C12orf42: variants seen among roughly 807,000 people sequenced by gnomAD.
C12orf42 encodes the protein chromosome 12 open reading frame 42.
In C12orf42, 25 loss-of-function variants were observed where a neutral mutation model predicts 21.6. The observed-to-expected ratio is 1.16, with a 90% CI of 0.84 to 1.62. C12orf42 has a LOEUF of 1.62. Among genes scored for constraint, C12orf42 ranks in the 40% most tolerant of loss-of-function variants. The pLI, the probability that C12orf42 is intolerant of heterozygous loss-of-function variation, is 0.00. For missense variants in C12orf42, 483 were observed against 459.3 expected (o/e 1.05, Z -0.47); for synonymous variants, 174 against 175.0 (o/e 0.99, Z 0.05).
At chr12:103,100,563 C>T in the C12orf42 span, among the ~76,000 whole-genome samples, 1 of 152,192 alleles carries the variant, frequency 6.6e-6, no homozygotes, top group Non-Finnish European at 1.5e-5. Context: ...CAGAACCACC[C>T]GGACAATGGC....
the C12orf42 span, among the ~76,000 whole-genome samples, chr12:103,093,981 C>A: frequency 6.6e-6 from 1 of 151,994 alleles, no homozygotes; most frequent in Non-Finnish European, 1.5e-5. Context: ...TAAGGGAGGG[C>A]GTGGTGCTGT....
intron 2 of C12orf42, among the ~76,000 whole-genome samples, chr12:103,402,724 G>A (rs897601647): frequency 1.3e-5 from 2 of 152,212 alleles, no homozygotes; most frequent in East Asian, 1.9e-4. Context: ...GTAGACTTGG[G>A]TGATGGACTA....
At chr12:103,269,427 A>T (rs1287026088) in intron 6 of C12orf42, among the ~76,000 whole-genome samples, 1 of 152,092 alleles carries the variant, frequency 6.6e-6, no homozygotes, top group Non-Finnish European at 1.5e-5. Flanking sequence ...ATCCCCTAAA[A>T]CTCAGAAGAA....
At chr12:103,363,646 G>T (rs567497212) in intron 4 of C12orf42, among the ~76,000 whole-genome samples, 25 of 152,074 alleles carry the variant, frequency 1.6e-4, no homozygotes, top group Admixed American at 1.4e-3. Flanking sequence ...TAAAGGGGTG[G>T]AAAGACATTC....
chr12:103,556,883 G>A, the C12orf42 span, among the ~76,000 whole-genome samples: 1 of 151,504 alleles, frequency 6.6e-6, no homozygotes, highest in Non-Finnish European at 1.5e-5. Context: ...GAGACAGAGG[G>A]AGAAGAGGAG....
At chr12:103,115,789 G>A in the C12orf42 span, among the ~76,000 whole-genome samples, 1 of 152,170 alleles carries the variant, frequency 6.6e-6, no homozygotes, top group Non-Finnish European at 1.5e-5. Flanking sequence ...GGATTTTCTT[G>A]GTAAGGGACT....
intron 4 of C12orf42, among the ~76,000 whole-genome samples, chr12:103,338,826 C>T (rs918902127): frequency 6.6e-6 from 1 of 152,066 alleles, no homozygotes; most frequent in African/African-American, 2.4e-5. Flanking sequence ...GGAGTGGGAA[C>T]AGGAAAGAAG....
At chr12:103,337,248 T>G (rs191220454) in intron 4 of C12orf42, among the ~76,000 whole-genome samples, 43 of 152,376 alleles carry the variant, frequency 2.8e-4, no homozygotes, top group African/African-American at 1.0e-3. Flanking sequence ...CTGAAAAGTT[T>G]GCTCCTATCT....
At chr12:103,379,556 C>T (rs1343704164) in intron 3 of C12orf42, among the ~76,000 whole-genome samples, 1 of 152,134 alleles carries the variant, frequency 6.6e-6, no homozygotes, top group African/African-American at 2.4e-5. Context: ...CTTAAGAAAA[C>T]ATAAATTCAA....
intron 10 of C12orf42, among the ~76,000 whole-genome samples, chr12:103,253,122 G>A (rs1180261657): frequency 6.6e-6 from 1 of 152,108 alleles, no homozygotes; most frequent in Non-Finnish European, 1.5e-5. Flanking sequence ...TTGTAGGTGT[G>A]TGGTGTTATT....
chr12:103,506,835 TTATATATATA>T, the C12orf42 span, among the ~76,000 whole-genome samples: 1 of 69,802 alleles, frequency 1.4e-5, no homozygotes, highest in African/African-American at 6.9e-5. Flanking sequence ...TATTTATATA[TTATATATATA>T]TATATTTATA....
intron 2 of C12orf42, among the ~76,000 whole-genome samples, chr12:103,413,081 A>G (rs187045679): frequency 1.3e-5 from 2 of 152,266 alleles, no homozygotes; most frequent in East Asian, 1.9e-4. Flanking sequence ...CTGGATTTTT[A>G]TGGTTTGAGC....
the C12orf42 span, among the ~76,000 whole-genome samples, chr12:103,166,670 C>T: frequency 1.3e-5 from 2 of 152,064 alleles, no homozygotes; most frequent in African/African-American, 4.8e-5. Context: ...AAATTCTTGC[C>T]TGAAATGAGA....
At chr12:103,219,920 C>G in the C12orf42 span, among the ~76,000 whole-genome samples, 5 of 152,102 alleles carry the variant, frequency 3.3e-5, no homozygotes, top group Non-Finnish European at 5.9e-5. Flanking sequence ...GGTATATACC[C>G]AAAGCATTAT....
At chr12:103,289,259 AG>A (rs1210607506) in intron 4 of C12orf42, among the ~76,000 whole-genome samples, 1 of 144,216 alleles carries the variant, frequency 6.9e-6, no homozygotes, top group Non-Finnish European at 1.5e-5. Context: ...GACAAAACAA[AG>A]GGGCAAAATC....
chr12:103,332,209 A>T (rs1037630559), intron 4 of C12orf42, among the ~76,000 whole-genome samples: 1 of 152,184 alleles, frequency 6.6e-6, no homozygotes, highest in African/African-American at 2.4e-5. Flanking sequence ...ACACACTAGC[A>T]TGCTTAACAT....
At chr12:103,511,597 G>A in the C12orf42 span, among the ~76,000 whole-genome samples, 61,157 of 151,734 alleles carry the variant, frequency 0.4, 14,018 homozygotes, top group East Asian at 0.69. Flanking sequence ...CTCTAACTCT[G>A]TGTTCTCTAG....
At chr12:103,065,710 G>A in the C12orf42 span, among the ~76,000 whole-genome samples, 5 of 152,222 alleles carry the variant, frequency 3.3e-5, no homozygotes, top group Non-Finnish European at 5.9e-5. Context: ...GGGCCCAGTG[G>A]TGTGGAGCCT....
At chr12:103,448,650 A>T (rs1205529737) in intron 2 of C12orf42, among the ~76,000 whole-genome samples, 1 of 152,052 alleles carries the variant, frequency 6.6e-6, no homozygotes, top group Non-Finnish European at 1.5e-5. Flanking sequence ...TTCTCAAAAG[A>T]AGATATACAA....
Sources: gnomAD v4.1 joint callset for allele counts (sites outside exome capture counted in the v4.1 genomes callset) on GRCh38, gnomAD v4.1.1 for gene constraint, MANE v1.5 for transcripts, NCBI Gene and HGNC (gene_info 2026-07-23, HGNC 2026-07-21) for gene names.